Variants in KCNQ1OT1 observed in about 807,000 individuals in gnomAD.
KCNQ1OT1 encodes the protein KCNQ1 opposite strand/antisense transcript 1, also known as KCNQ1 antisense RNA 2 (non-protein coding).
exon 1 of KCNQ1OT1, chr11:2,665,446 G>A (rs1850049834): frequency 2.5e-6 from 1 of 397,092 alleles, no homozygotes. Context: ...GCTCACCAAG[G>A]GTCACTGGCA....
At chr11:2,684,056 T>C (rs1290688452) in exon 1 of KCNQ1OT1, 2 of 398,450 alleles carry the variant, frequency 5.0e-6, no homozygotes, top group Admixed American at 8.8e-5. Context: ...ATCAAGACAT[T>C]GTTTAGAGTA....
rs1849176437 is a variant in KCNQ1OT1, at chr11:2,621,779, T to G, written n.78216A>C. The G allele has an allele frequency of 2.5e-6, 1 of 398,396 alleles. No individual in the cohort carries two copies. The highest frequency in any genetic ancestry group is 3.6e-5 in the East Asian group (1 of 27,998). 24.7% of individuals were successfully genotyped at this position (398,396 alleles called of 1,614,324 possible). A position where few individuals can be genotyped will look rare whatever the true frequency, so the allele number is the denominator to read the frequency against. ...TGTCCTCTTTCTTAGTCCAAGAGTTTGTTGATTTTATTTTTCAAAAATCAA... is the reference window on the plus strand; with the variant it reads ...TGTCCTCTTTCTTAGTCCAAGAGTTGGTTGATTTTATTTTTCAAAAATCAA... On this transcript the variant is annotated non_coding_transcript_exon_variant, in exon 1 of 1. Coordinates refer to ENST00000597346, the Ensembl canonical transcript of KCNQ1OT1. The surrounding 1 kb of genome is among the most constrained non-coding windows in gnomAD (Gnocchi z 5.7).
At chr11:2,684,901 A>G in exon 1 of KCNQ1OT1, 1 of 398,656 alleles carries the variant, frequency 2.5e-6, no homozygotes, top group Non-Finnish European at 4.4e-6. Flanking sequence ...CTACATCATA[A>G]GGTAGGTAAG....
At chr11:2,675,902 G>C (rs1850285484) in exon 1 of KCNQ1OT1, 1 of 398,552 alleles carries the variant, frequency 2.5e-6, no homozygotes, top group Admixed American at 4.4e-5. Flanking sequence ...TTCAAGGGTT[G>C]TGCTACAAAA....
exon 1 of KCNQ1OT1, chr11:2,675,372 GA>G: frequency 2.5e-6 from 1 of 398,440 alleles, no homozygotes; most frequent in Non-Finnish European, 4.4e-6. Flanking sequence ...GTGTGCATTA[GA>G]AAACATTTAA....
chr11:2,662,203 C>A, exon 1 of KCNQ1OT1: 1 of 1,362,072 alleles, frequency 7.3e-7, no homozygotes, highest in Non-Finnish European at 1.0e-6. Flanking sequence ...TAGTGCCCAC[C>A]ACTTGCCGTC....
rs1479600236 is a variant in KCNQ1OT1 at position 2,678,804 on chromosome 11, C to T, written n.21191G>A. The T allele has an allele frequency of 5.0e-6, 2 of 398,476 alleles. No individual in the cohort carries two copies. Among genetic ancestry groups the T allele is most frequent in the African/African-American group, 2.1e-5 (1 of 48,602 alleles). 24.7% of individuals were successfully genotyped at this position (398,476 alleles called of 1,614,324 possible). A position where few individuals can be genotyped will look rare whatever the true frequency, so the allele number is the denominator to read the frequency against. On this transcript the variant is annotated non_coding_transcript_exon_variant, in exon 1 of 1. Coordinates refer to ENST00000597346, the Ensembl canonical transcript of KCNQ1OT1. This position sits in a 1 kb window ranked among gnomAD's most constrained non-coding sequence, Gnocchi z 4.9. ...AGCTAATAATGTCAGGGAGCATGAGCACTTGTTTCTTCCAAGGCTCACTTC... is the reference window on the plus strand; with the variant it reads ...AGCTAATAATGTCAGGGAGCATGAGTACTTGTTTCTTCCAAGGCTCACTTC...
chr11:2,688,852 G>A (rs1266660841), exon 1 of KCNQ1OT1: 1 of 399,048 alleles, frequency 2.5e-6, no homozygotes, highest in East Asian at 3.6e-5. Context: ...AGGTGGAGAG[G>A]GCTGGGCCAG....
chr11:2,675,470 T>C, exon 1 of KCNQ1OT1: 1 of 398,618 alleles, frequency 2.5e-6, no homozygotes, highest in Non-Finnish European at 4.4e-6. Flanking sequence ...AAAAGTTACA[T>C]AAAAACGTAA....
Position 2,671,016 on chromosome 11 carries a change from C to T in KCNQ1OT1, n.28979G>A. 2 of 398,570 alleles carry T rather than the reference C, an allele frequency of 5.0e-6. No individual in the cohort carries two copies. 24.7% of individuals were successfully genotyped at this position (398,570 alleles called of 1,614,324 possible). On this transcript the variant is annotated non_coding_transcript_exon_variant, in exon 1 of 1. Transcript: ENST00000597346. The surrounding 1 kb of genome is among the most constrained non-coding windows in gnomAD (Gnocchi z 4.7). ...TTAGATATGTGGGCCCTGTTAGGGA[C>T]AACGTAGGTGTCCTGGGCAGGGGCT...
chr11:2,619,607 T>A (rs1278195481), exon 1 of KCNQ1OT1: 1 of 398,582 alleles, frequency 2.5e-6, no homozygotes, highest in African/African-American at 2.1e-5. Flanking sequence ...ATTCTTGGGT[T>A]ATGTTGGCCT....
exon 1 of KCNQ1OT1, chr11:2,681,662 T>G: frequency 6.9e-6 from 2 of 289,424 alleles, no homozygotes; most frequent in Non-Finnish European, 1.2e-5. Context: ...CAGGAGAAGG[T>G]GCTCCCTCAC....
exon 1 of KCNQ1OT1, chr11:2,686,455 T>C (rs939731207): frequency 7.0e-5 from 28 of 398,554 alleles, no homozygotes; most frequent in African/African-American, 5.1e-4. Flanking sequence ...GTTTCCACAA[T>C]TGTTTTGAAA....
exon 1 of KCNQ1OT1, chr11:2,685,226 C>A (rs1670639053): frequency 2.5e-6 from 1 of 398,658 alleles, no homozygotes; most frequent in Non-Finnish European, 4.4e-6. Flanking sequence ...CACGGAGGCA[C>A]TACTTCAGTC....
exon 1 of KCNQ1OT1, chr11:2,689,030 G>A (rs1048628622): frequency 2.3e-5 from 9 of 398,780 alleles, no homozygotes; most frequent in Non-Finnish European, 3.5e-5. Context: ...GGAGCCCTGG[G>A]CTGCAGGGTT....
exon 1 of KCNQ1OT1, chr11:2,667,032 T>C (rs1017671292): frequency 4.8e-5 from 19 of 398,514 alleles, no homozygotes; most frequent in Non-Finnish European, 7.5e-5. Flanking sequence ...GAGCCCCACA[T>C]AGCCCCAGCC....
At chr11:2,610,593 T>A in exon 1 of KCNQ1OT1, 1 of 398,468 alleles carries the variant, frequency 2.5e-6, no homozygotes, top group Non-Finnish European at 4.4e-6. Flanking sequence ...CTGAAGAACT[T>A]CCTCTAGTAG....
exon 1 of KCNQ1OT1, chr11:2,689,298 T>C (rs985645913): frequency 2.5e-6 from 1 of 398,646 alleles, no homozygotes; most frequent in Non-Finnish European, 4.4e-6. Context: ...ACTCCAACCC[T>C]AAGACTCAAT....
exon 1 of KCNQ1OT1, chr11:2,697,847 T>C: frequency 2.5e-6 from 1 of 398,660 alleles, no homozygotes; most frequent in Non-Finnish European, 4.4e-6. Flanking sequence ...CTATCTGAAT[T>C]TGGACATGCT....
Sources: gnomAD v4.1 joint callset for allele counts on GRCh38, gnomAD v4.1.1 for gene constraint, Gnocchi (gnomAD v3.1) non-coding constraint, MANE v1.5 for transcripts, NCBI Gene and HGNC (gene_info 2026-07-23, HGNC 2026-07-21) for gene names.